The following SEMA6D variants were observed in gnomAD, a reference collection of about 807,000 sequenced individuals.
SEMA6D encodes semaphorin-6D.
A neutral mutation model predicts 106.6 loss-of-function variants in SEMA6D; 35 were observed. That is an observed-to-expected ratio of 0.33 (90% confidence interval 0.25 to 0.44). The LOEUF is 0.44. Among genes scored for constraint, SEMA6D ranks in the 20% least tolerant of loss-of-function variants. The probability of loss-of-function intolerance (pLI) is 1.00; values close to 1 mark genes in which losing one functional copy is unlikely to be tolerated. For missense variants in SEMA6D, 1,185 were observed against 1,345.9 expected, an observed-to-expected ratio of 0.88 and a Z score of 1.87; for synonymous variants, 499 against 487.7, an observed-to-expected ratio of 1.02 and a Z score of -0.31.
chr15:47,266,130 A>T (rs576985664), intron 1 of SEMA6D, among the ~76,000 whole-genome samples: 1 of 152,062 alleles, frequency 6.6e-6, no homozygotes, highest in Non-Finnish European at 1.5e-5. Context: ...CCCTGTTGTC[A>T]CTTTTCCCCA....
At position 47,765,869 on chromosome 15, in the gene SEMA6D, G is replaced by A. The variant is rs757900295; in HGVS notation, c.1428G>A (p.Lys476=). 4.0e-6 allele frequency: 6 copies of A among 1,506,506 alleles called. No homozygotes were observed. The East Asian group carries it at 9.1e-5, about 23-fold the overall frequency. 93.3% of individuals were successfully genotyped at this position (1,506,506 alleles called of 1,614,324 possible). Reference sequence around the variant, plus strand: ...CTTCAAAATGTATCCCACAAAATAGGTGCAGTGCTGAGAATGAGGAAGACA... The same window carrying A: ...CTTCAAAATGTATCCCACAAAATAGATGCAGTGCTGAGAATGAGGAAGACA... ...LEEIEAYNHA[K]CSAENEEDKK... Residue 476 remains lysine, a splice_region_variant and synonymous_variant, in exon 14 of 19, where the codon AAG becomes AAA. Coordinates refer to ENST00000536845, the MANE Select transcript of SEMA6D (RefSeq NM_001358351.3).
intron 1 of SEMA6D, among the ~76,000 whole-genome samples, chr15:47,392,786 G>T (rs2040082614): frequency 6.6e-6 from 1 of 152,142 alleles, no homozygotes; most frequent in African/African-American, 2.4e-5. Flanking sequence ...GAGAGTTCAG[G>T]CTTAATTCTC....
chr15:47,480,037 T>TC (rs1555446835), intron 3 of SEMA6D, among the ~76,000 whole-genome samples: 3,859 of 151,010 alleles, frequency 0.026, 171 homozygotes, highest in African/African-American at 0.09. Flanking sequence ...TTTTTTTTTT[T>TC]GGTAGATATG....
intron 1 of SEMA6D, among the ~76,000 whole-genome samples, chr15:47,209,024 T>G (rs1402806499): frequency 6.6e-6 from 1 of 151,590 alleles, no homozygotes; most frequent in Non-Finnish European, 1.5e-5. Context: ...TCTCTCCTTT[T>G]TACTCTTTGA....
chr15:47,481,661 T>C (rs1020912614), intron 3 of SEMA6D, among the ~76,000 whole-genome samples: 2 of 152,184 alleles, frequency 1.3e-5, no homozygotes, highest in Non-Finnish European at 2.9e-5. Context: ...TTACTGAGTA[T>C]AACTGCAGTG....
chr15:47,743,783 G>A (rs977931463), intron 1 of SEMA6D, among the ~76,000 whole-genome samples: 2 of 152,174 alleles, frequency 1.3e-5, no homozygotes, highest in African/African-American at 2.4e-5. Flanking sequence ...TACCATGCCC[G>A]AAATTTAGGG....
chr15:47,726,346 A>G (rs949893182), intron 1 of SEMA6D, among the ~76,000 whole-genome samples: 1 of 152,268 alleles, frequency 6.6e-6, no homozygotes, highest in African/African-American at 2.4e-5. Context: ...TGCCTGGTAC[A>G]CTTTTAAGAA....
At chr15:47,378,409 T>C (rs1311384950) in intron 1 of SEMA6D, among the ~76,000 whole-genome samples, 3 of 152,130 alleles carry the variant, frequency 2.0e-5, no homozygotes, top group African/African-American at 7.2e-5. Context: ...GGTAGCAGAA[T>C]TGCTTGAACC....
chr15:47,269,907 T>C (rs2034483245), intron 1 of SEMA6D, among the ~76,000 whole-genome samples: 1 of 151,724 alleles, frequency 6.6e-6, no homozygotes, highest in Admixed American at 6.6e-5. Context: ...CTTTTTTTTA[T>C]TTTTGCCATC....
chr15:47,698,784 T>C (rs2078751269), intron 4 of SEMA6D, among the ~76,000 whole-genome samples: 1 of 152,160 alleles, frequency 6.6e-6, no homozygotes, highest in African/African-American at 2.4e-5. Context: ...TCTTTGTCAA[T>C]GCAACATTCC....
intron 3 of SEMA6D, among the ~76,000 whole-genome samples, chr15:47,565,274 C>G (rs973190246): frequency 1.3e-5 from 2 of 152,204 alleles, no homozygotes; most frequent in African/African-American, 4.8e-5. Flanking sequence ...CCCCAAAGCG[C>G]TCACCCCAGC....
Position 47,767,020 on chromosome 15 carries a change from T to G in SEMA6D, c.1709-17T>G. Reference sequence around the variant, plus strand: ...TGGTTACTTTTCACTGATTACTTGTTCCTTTAATTCTTTTAGAAATTTTGC... The same window carrying G: ...TGGTTACTTTTCACTGATTACTTGTGCCTTTAATTCTTTTAGAAATTTTGC... On this transcript the variant is annotated splice_polypyrimidine_tract_variant and intron_variant, in intron 16 of 18. Coordinates refer to ENST00000536845, the MANE Select transcript of SEMA6D (RefSeq NM_001358351.3). The G allele has an allele frequency of 6.7e-7, 1 of 1,500,508 alleles. No individual in the cohort carries two copies. The allele number at this position is 1,500,508 out of a possible 1,614,324, so 92.9% of individuals were successfully genotyped here.
At chr15:47,291,766 A>C (rs1001310884) in intron 1 of SEMA6D, among the ~76,000 whole-genome samples, 1 of 152,168 alleles carries the variant, frequency 6.6e-6, no homozygotes, top group Non-Finnish European at 1.5e-5. Flanking sequence ...TTATCATCAT[A>C]ATGTTTTGAT....
intron 2 of SEMA6D, among the ~76,000 whole-genome samples, chr15:47,467,609 C>A (rs2042703830): frequency 6.6e-6 from 1 of 152,118 alleles, no homozygotes; most frequent in African/African-American, 2.4e-5. Context: ...TTAGGGATAA[C>A]TTTGCAAGCG....
At chr15:47,251,091 C>G (rs139061682) in intron 1 of SEMA6D, among the ~76,000 whole-genome samples, 60 of 152,170 alleles carry the variant, frequency 3.9e-4, no homozygotes, top group African/African-American at 1.3e-3. Flanking sequence ...AAGGATAGGT[C>G]AAAAGGTGCC....
intron 1 of SEMA6D, among the ~76,000 whole-genome samples, chr15:47,381,791 A>G (rs1248513438): frequency 6.6e-6 from 1 of 152,236 alleles, no homozygotes; most frequent in African/African-American, 2.4e-5. Context: ...TTTATATTGA[A>G]CTTGTAGCCA....
At chr15:47,198,245 G>T (rs891015262) in intron 1 of SEMA6D, among the ~76,000 whole-genome samples, 1 of 152,038 alleles carries the variant, frequency 6.6e-6, no homozygotes, top group Non-Finnish European at 1.5e-5. Context: ...GGAGGAATAG[G>T]TTCAAGAAAT....
chr15:47,686,137 G>A (rs1252326393), intron 4 of SEMA6D, among the ~76,000 whole-genome samples: 1 of 152,132 alleles, frequency 6.6e-6, no homozygotes, highest in Non-Finnish European at 1.5e-5. Flanking sequence ...CATATATTAA[G>A]AGGACTTCAA....
At chr15:47,434,267 G>T (rs2041631830) in intron 2 of SEMA6D, among the ~76,000 whole-genome samples, 1 of 152,050 alleles carries the variant, frequency 6.6e-6, no homozygotes, top group South Asian at 2.1e-4. Context: ...TGAAAAAACG[G>T]ACAGAAATGA....
Sources: allele counts gnomAD v4.1 joint callset (sites outside exome capture counted in the v4.1 genomes callset), GRCh38; gene constraint gnomAD v4.1.1; transcripts MANE v1.5; gene names NCBI Gene and HGNC (gene_info 2026-07-23, HGNC 2026-07-21).